MED25: variants seen among roughly 807,000 people sequenced by gnomAD.
MED25 encodes the protein mediator complex subunit 25.
A neutral mutation model predicts 89.4 loss-of-function variants in MED25; 62 were observed. The ratio of observed to expected loss-of-function variants is 0.69; its 90% CI spans 0.57 to 0.86. The LOEUF (loss-of-function observed/expected upper bound fraction) is 0.86. Ranked by LOEUF, MED25 falls within the 40% of genes least tolerant of loss-of-function variation. MED25 has a pLI of 0.00. For missense variants in MED25, 905 were observed against 1,005.2 expected, an observed-to-expected ratio of 0.90 and a Z score of 1.35; for synonymous variants, 449 against 427.9, an observed-to-expected ratio of 1.05 and a Z score of -0.61.
intron 3 of MED25, among the ~76,000 whole-genome samples, chr19:49,826,737 G>A (rs2074018332): frequency 6.6e-6 from 1 of 152,202 alleles, no homozygotes; most frequent in South Asian, 2.1e-4. Flanking sequence ...TCCTATAGGA[G>A]GGCACACCAG....
rs778397363 is a variant in MED25 at position 49,830,096 on chromosome 19, G to A, written c.697G>A (p.Gly233Ser). The A allele has an allele frequency of 1.4e-5, 22 of 1,606,984 alleles. No individual in the cohort carries two copies. Among genetic ancestry groups the A allele is most frequent in the Middle Eastern group, 3.3e-4 (2 of 6,066 alleles). The change falls in exon 7 of 18, where the codon GGC becomes AGC. Residue 233 changes from glycine (G) to serine (S), a missense_variant. Physicochemically the swap from Gly to Ser is moderately conservative, Grantham distance 56. This residue lies in a region of MED25 where 501 missense variants were observed against 526.9 expected (regional missense o/e 0.95). Transcript: ENST00000312865. This position sits in a 1 kb window ranked among gnomAD's most constrained non-coding sequence, Gnocchi z 4.6. Reference protein sequence around the residue: ...VRGLVLPVGGGSAPGPLQSKQ... With the variant: ...VRGLVLPVGGSSAPGPLQSKQ... ...ATCCCTCCTGCTCTCAGTTGGGGGTGGCTCAGCCCCAGGCCCCCTCCAGTC... is the reference window on the plus strand; with the variant it reads ...ATCCCTCCTGCTCTCAGTTGGGGGTAGCTCAGCCCCAGGCCCCCTCCAGTC...
At position 49,830,753 on chromosome 19, in the gene MED25, GCCCCAGCT is replaced by G; in HGVS notation, c.973_980del (p.Ala325ThrfsTer71). ...CGGAGTGGGTCCCCCCTTCAGCCAG[GCCCCAGCT>G]CCCCAACTACCCCCAGGACCCCCTG... On this transcript the variant is annotated frameshift_variant, in exon 9 of 18. Transcript: ENST00000312865. LOFTEE classifies it high-confidence loss of function. The surrounding 1 kb of genome is among the most constrained non-coding windows in gnomAD (Gnocchi z 4.6). The G allele has an allele frequency of 6.2e-7, 1 of 1,613,534 alleles. No individual in the cohort carries two copies. The highest frequency in any genetic ancestry group is 8.5e-7 in the Non-Finnish European group (1 of 1,179,752).
chr19:49,826,390 T>C (rs2074015698), intron 3 of MED25, among the ~76,000 whole-genome samples: 1 of 151,944 alleles, frequency 6.6e-6, no homozygotes. Context: ...GGGAAGTGTG[T>C]GGTGGGTTGG....
rs748122268 is a variant in MED25 at position 49,829,926 on chromosome 19, G to C, written c.666G>C (p.Leu222=). The stretch of plus-strand genomic sequence containing the variant: ...GCCAGGACCCGAGGCACATGGTGCT[G>C]GTTCGGGGACTCGTGCTGCCTGGTG... ...DVSQDPRHMV[L]VRGLVLPVGG... is the part of the protein sequence containing the mutation. The change falls in exon 6 of 18, where the codon CTG becomes CTC. Residue 222 remains leucine, a synonymous_variant. Coordinates refer to ENST00000312865, the MANE Select transcript of MED25 (RefSeq NM_030973.4). This position sits in a 1 kb window ranked among gnomAD's most constrained non-coding sequence, Gnocchi z 4.6. The C allele has an allele frequency of 6.2e-7, 1 of 1,612,662 alleles. No homozygotes were observed. The highest frequency in any genetic ancestry group is 1.1e-5 in the South Asian group (1 of 91,058).
At chr19:49,832,191 G>T (rs913202948) in intron 12 of MED25, 34 bp downstream of exon 12, 34 of 1,608,178 alleles carry the variant, frequency 2.1e-5, no homozygotes, top group Non-Finnish European at 2.8e-5. Flanking sequence ...CCTGCTGCCG[G>T]GCAGTCCTCA....
rs2074060680 is a variant in MED25 at position 49,831,978 on chromosome 19, C to T, written c.1273C>T (p.Arg425Trp). Residue 425 changes from arginine to tryptophan, a missense_variant, in exon 11 of 18, where the codon CGG becomes TGG. Transcript: ENST00000312865. The surrounding 1 kb of genome is among the most constrained non-coding windows in gnomAD (Gnocchi z 5.0). ...AGTGGATGCCAACACCAAGCTGACG[C>T]GGTCACTGCCCTGCCAGGTCTACGT... ...ASVDANTKLT[R>W]SLPCQVYVNH... is the part of the protein sequence containing the mutation. 1.2e-6 allele frequency: 2 copies of T among 1,613,856 alleles called. No individual in the cohort carries two copies. Among genetic ancestry groups the T allele is most frequent in the South Asian group, 1.1e-5 (1 of 91,076 alleles).
At chr19:49,823,037 C>G (rs2073993984) in intron 3 of MED25, among the ~76,000 whole-genome samples, 1 of 152,166 alleles carries the variant, frequency 6.6e-6, no homozygotes, top group African/African-American at 2.4e-5. Context: ...CAGCCTCGAC[C>G]TCTCGGGCTC....
At position 49,830,851 on chromosome 19, in the gene MED25, C is replaced by A. The variant is rs779070350; in HGVS notation, c.1065C>A (p.Gly355=). Residue 355 remains glycine, a synonymous_variant, in exon 9 of 18, where the codon GGC becomes GGA. Transcript: ENST00000312865. This position sits in a 1 kb window ranked among gnomAD's most constrained non-coding sequence, Gnocchi z 4.6. ...SLVSTVAPGS[G]LAPTAQPGAP... is the part of the protein sequence containing the mutation. ...TCTCCACTGTGGCCCCTGGCTCCGG[C>A]CTGGCTCCCACGGCACAGCCCGGGG... 4 of 1,612,258 alleles carry A rather than the reference C, an allele frequency of 2.5e-6. No homozygotes were observed. The highest frequency in any genetic ancestry group is 3.4e-6 in the Non-Finnish European group (4 of 1,179,852).
chr19:49,832,711 G>GTAAT (rs1385395486), intron 13 of MED25, among the ~76,000 whole-genome samples: 2 of 152,152 alleles, frequency 1.3e-5, no homozygotes, highest in Non-Finnish European at 2.9e-5. Flanking sequence ...ATTTCCTGTG[G>GTAAT]CTGTGGTAAC....
At position 49,831,822 on chromosome 19, in the gene MED25, G is replaced by A; in HGVS notation, c.1231-114G>A. On this transcript the variant is annotated intron_variant, in intron 10 of 17. Transcript: ENST00000312865. The surrounding 1 kb of genome is among the most constrained non-coding windows in gnomAD (Gnocchi z 5.0). ...CTGGAGGAGGGGCCTGGGGCTCATG[G>A]GACTTAAACTGGGGAACATCCTGAG... 1 of 975,648 alleles carries A rather than the reference G, an allele frequency of 1.0e-6. No homozygotes were observed. The highest frequency in any genetic ancestry group is 2.7e-4 in the Middle Eastern group (1 of 3,688). 60.4% of individuals were successfully genotyped at this position (975,648 alleles called of 1,614,324 possible). A position where few individuals can be genotyped will look rare whatever the true frequency, so the allele number is the denominator to read the frequency against.
intron 3 of MED25, among the ~76,000 whole-genome samples, chr19:49,820,159 C>G (rs117109971): frequency 0.02 from 3,100 of 152,166 alleles, 80 homozygotes; most frequent in South Asian, 0.12. Context: ...AGAGAGCCCT[C>G]GGGTTAAAGC....
Position 49,828,624 on chromosome 19 carries a change from T to C in MED25, c.404+77T>C, listed in dbSNP as rs2074031659. On this transcript the variant is annotated intron_variant, in intron 4 of 17. Transcript: ENST00000312865. ...AACCACTTTGCCTGTCGAGTGGTTC[T>C]ACCTCCAGCCTCACCCTGTAGGGCA... 2.5e-6 allele frequency: 3 copies of C among 1,213,842 alleles called. No individual in the cohort carries two copies. The Admixed American group carries it at 5.1e-5, about 21-fold the overall frequency. The allele number at this position is 1,213,842 out of a possible 1,614,324, so 75.2% of individuals were successfully genotyped here.
chr19:49,831,563 G>C lies in MED25; in HGVS notation c.1230+102G>C, dbSNP rs1323014302. Reference sequence around the variant, plus strand: ...AGATGCGTGGGGTCTGCAGTGCTGGGTTTGGAGGCATTCGTTGCGCTGGAC... The same window carrying C: ...AGATGCGTGGGGTCTGCAGTGCTGGCTTTGGAGGCATTCGTTGCGCTGGAC... On this transcript the variant is annotated intron_variant, in intron 10 of 17. Coordinates refer to ENST00000312865, the MANE Select transcript of MED25 (RefSeq NM_030973.4). The surrounding 1 kb of genome is among the most constrained non-coding windows in gnomAD (Gnocchi z 5.0). 2.1e-6 allele frequency: 3 copies of C among 1,416,532 alleles called. No homozygotes were observed. Among genetic ancestry groups the C allele is most frequent in the Non-Finnish European group, 2.9e-6 (3 of 1,046,072 alleles). 87.7% of individuals were successfully genotyped at this position (1,416,532 alleles called of 1,614,324 possible).
Position 49,834,932 on chromosome 19 carries a change from C to G in MED25, c.1483-54C>G, listed in dbSNP as rs1480203503. On this transcript the variant is annotated intron_variant, in intron 13 of 17. Coordinates refer to ENST00000312865, the MANE Select transcript of MED25 (RefSeq NM_030973.4). The surrounding 1 kb of genome is among the most constrained non-coding windows in gnomAD (Gnocchi z 4.1). The stretch of plus-strand genomic sequence containing the variant: ...GAGCCTTCTGGAATGGGGAGGGGGT[C>G]AGGGCTGCCTCTTTCAGGGCCTGAA... 1 of 1,589,414 alleles carries G rather than the reference C, an allele frequency of 6.3e-7. No individual in the cohort carries two copies. Among genetic ancestry groups the G allele is most frequent in the African/African-American group, 1.3e-5 (1 of 74,446 alleles).
chr19:49,832,367 G>C lies in MED25; in HGVS notation c.1434G>C (p.Lys478Asn). 1.2e-6 allele frequency: 2 copies of C among 1,611,770 alleles called. No individual in the cohort carries two copies. The highest frequency in any genetic ancestry group is 2.2e-5 in the South Asian group (2 of 90,544). The change falls in exon 13 of 18, where the codon AAG (lysine) becomes AAC (asparagine). Residue 478 changes from lysine to asparagine, a missense_variant. By Grantham distance (94) the Lys-to-Asn change is moderately conservative. Around this residue, in one of 3 missense-constraint regions of MED25, gnomAD observed 133 missense variants for 220.2 expected, o/e 0.60. Coordinates refer to ENST00000312865, the MANE Select transcript of MED25 (RefSeq NM_030973.4). ...SRMVQFHFTN[K>N]DLESLKGLYR... ...TGGTCCAGTTCCATTTCACCAACAA[G>C]GACCTGGAGTCTCTCAAAGGCCTCT...
intron 3 of MED25, among the ~76,000 whole-genome samples, chr19:49,820,588 T>G (rs562995788): frequency 6.6e-6 from 1 of 152,304 alleles, no homozygotes; most frequent in Non-Finnish European, 1.5e-5. Flanking sequence ...GAAAATTTGT[T>G]TTTTCTTCTC....
chr19:49,836,877 G>T lies in MED25; in HGVS notation c.2177G>T (p.Gly726Val). 3 of 1,612,272 alleles carry T rather than the reference G, an allele frequency of 1.9e-6. No homozygotes were observed. Among genetic ancestry groups the T allele is most frequent in the Non-Finnish European group, 2.5e-6 (3 of 1,179,620 alleles). ...GQMLLSGGPR[G>V]PVPQPGLQPS... ...ATGCTGCTGAGCGGGGGTCCCCGGGGCCCGGTCCCCCAGCCGGGCCTGCAG... is the reference window on the plus strand; with the variant it reads ...ATGCTGCTGAGCGGGGGTCCCCGGGTCCCGGTCCCCCAGCCGGGCCTGCAG... Residue 726 changes from glycine (G) to valine (V), a missense_variant, in exon 18 of 18, where the codon GGC becomes GTC. Around this residue, in one of 3 missense-constraint regions of MED25, gnomAD observed 271 missense variants for 258.1 expected, o/e 1.05. Transcript: ENST00000312865. The surrounding 1 kb of genome is among the most constrained non-coding windows in gnomAD (Gnocchi z 5.1).
chr19:49,835,066 C>A lies in MED25; in HGVS notation c.1563C>A (p.Ile521=), dbSNP rs1568625141. The A allele has an allele frequency of 6.2e-7, 1 of 1,614,010 alleles. No homozygotes were observed. Among genetic ancestry groups the A allele is most frequent in the Non-Finnish European group, 8.5e-7 (1 of 1,180,032 alleles). Residue 521 remains isoleucine (I), a synonymous_variant, in exon 14 of 18, where the codon ATC becomes ATA. Coordinates refer to ENST00000312865, the MANE Select transcript of MED25 (RefSeq NM_030973.4). This position sits in a 1 kb window ranked among gnomAD's most constrained non-coding sequence, Gnocchi z 6.2. ...LMLLYSSKKK[I]FMGLIPYDQS... Reference sequence around the variant, plus strand: ...TCCTGTACTCGTCCAAGAAGAAGATCTTCATGGGCCTCATCCCCTACGACC... The same window carrying A: ...TCCTGTACTCGTCCAAGAAGAAGATATTCATGGGCCTCATCCCCTACGACC...
chr19:49,838,761 G>A, downstream of MED25: 1 of 456,662 alleles, frequency 2.2e-6, no homozygotes, highest in Non-Finnish European at 4.4e-6. Flanking sequence ...GCTACGACCA[G>A]TACACAGAAC....
Sources: allele counts gnomAD v4.1 joint callset (sites outside exome capture counted in the v4.1 genomes callset), GRCh38; gene constraint gnomAD v4.1.1; regional missense constraint gnomAD v4.1.1; non-coding constraint Gnocchi (gnomAD v3.1); transcripts MANE v1.5; gene names NCBI Gene and HGNC (gene_info 2026-07-23, HGNC 2026-07-21).